PARD3: variants seen among roughly 807,000 people sequenced by gnomAD.
PARD3 encodes partitioning defective 3 homolog.
In PARD3, 75 loss-of-function variants were observed where a neutral mutation model predicts 155.4. The ratio of observed to expected loss-of-function variants is 0.48; its 90% CI spans 0.40 to 0.58. PARD3 has a LOEUF of 0.58. PARD3 is among the 20% of genes least tolerant of loss of function. The pLI, the probability that PARD3 is intolerant of heterozygous loss-of-function variation, is 0.00. For synonymous variants in PARD3, 576 were observed against 610.5 expected, an observed-to-expected ratio of 0.94 and a Z score of 0.83; for missense variants, 1,642 against 1,721.7, an observed-to-expected ratio of 0.95 and a Z score of 0.82.
intron 2 of PARD3, among the ~76,000 whole-genome samples, chr10:34,579,222 A>G (rs749594000): frequency 6.6e-6 from 1 of 151,754 alleles, no homozygotes; most frequent in Non-Finnish European, 1.5e-5. Context: ...GTGAGCCAAG[A>G]TCGCGCCACT....
At chr10:34,791,572 C>A (rs1011858822) in intron 1 of PARD3, among the ~76,000 whole-genome samples, 1 of 152,180 alleles carries the variant, frequency 6.6e-6, no homozygotes, top group Non-Finnish European at 1.5e-5. Context: ...AGAGCCAGGT[C>A]CCCACAGCCT....
chr10:34,516,427 C>T (rs1367354196), intron 3 of PARD3, among the ~76,000 whole-genome samples: 1 of 152,176 alleles, frequency 6.6e-6, no homozygotes, highest in Non-Finnish European at 1.5e-5. Context: ...AGGCAAGTAT[C>T]CCAGATCTGG....
chr10:34,145,189 GTATATA>G (rs575139416), intron 22 of PARD3, among the ~76,000 whole-genome samples: 77 of 49,594 alleles, frequency 1.6e-3, no homozygotes, highest in East Asian at 5.6e-3. Flanking sequence ...GTGTGTGTGT[GTATATA>G]TATATATATA....
At chr10:34,485,489 AC>A in intron 3 of PARD3, among the ~76,000 whole-genome samples, 1 of 152,350 alleles carries the variant, frequency 6.6e-6, no homozygotes, top group South Asian at 2.1e-4. Flanking sequence ...ATCAATCAAT[AC>A]ATGTAAGGTG....
chr10:34,355,542 T>A (rs1838703002), intron 14 of PARD3, among the ~76,000 whole-genome samples: 1 of 152,088 alleles, frequency 6.6e-6, no homozygotes, highest in Non-Finnish European at 1.5e-5. Flanking sequence ...AGTGGACCTG[T>A]GAGCTGGAAA....
chr10:34,471,987 T>C (rs928192494), intron 3 of PARD3, among the ~76,000 whole-genome samples: 2 of 152,224 alleles, frequency 1.3e-5, no homozygotes, highest in South Asian at 2.1e-4. Context: ...AGGCTATTTA[T>C]ATACAGTGAA....
intron 21 of PARD3, among the ~76,000 whole-genome samples, chr10:34,282,737 A>G (rs1380826820): frequency 6.6e-6 from 1 of 152,104 alleles, no homozygotes; most frequent in African/African-American, 2.4e-5. Context: ...TTTACCTGGT[A>G]TAGTCTCCTC....
chr10:34,158,906 T>C lies in PARD3; in HGVS notation c.3420-27323A>G, dbSNP rs116290457. 6.3e-3 allele frequency among the ~76,000 whole-genome samples: 965 copies of C among 152,298 alleles called. 13 individuals are homozygous for C. Among genetic ancestry groups the C allele is most frequent in the African/African-American group, 0.022 (904 of 41,556 alleles). On this transcript the variant is annotated intron_variant, in intron 22 of 24. Transcript: ENST00000374788. The stretch of plus-strand genomic sequence containing the variant: ...TCAAAGATGGGTAAGAGAAGTGAGG[T>C]TGAAAGGCTTTGGGACAAGTCAGAA...
intron 22 of PARD3, among the ~76,000 whole-genome samples, chr10:34,133,190 G>A (rs1482683795): frequency 6.6e-6 from 1 of 152,160 alleles, no homozygotes; most frequent in Non-Finnish European, 1.5e-5. Flanking sequence ...GCCATCTGCA[G>A]ACAGGAGAGC....
intron 2 of PARD3, among the ~76,000 whole-genome samples, chr10:34,625,780 GCATGCCTGT>G (rs2091952189): frequency 6.6e-6 from 1 of 151,968 alleles, no homozygotes; most frequent in Non-Finnish European, 1.5e-5. Flanking sequence ...GCGTGATGGC[GCATGCCTGT>G]AATCCCAGCT....
At chr10:34,138,044 AAAC>A (rs1947994375) in intron 22 of PARD3, among the ~76,000 whole-genome samples, 1 of 152,164 alleles carries the variant, frequency 6.6e-6, no homozygotes, top group South Asian at 2.1e-4. Flanking sequence ...AATGTCCTAG[AAAC>A]ACATAGGCCC....
At chr10:34,609,508 C>T (rs866664220) in intron 2 of PARD3, among the ~76,000 whole-genome samples, 4 of 152,216 alleles carry the variant, frequency 2.6e-5, no homozygotes, top group Middle Eastern at 3.4e-3. Flanking sequence ...GGTTAAGGAG[C>T]GTAAGAAGAG....
At chr10:34,377,910 T>C in intron 10 of PARD3, 57 bp downstream of exon 10, 1 of 1,368,050 alleles carries the variant, frequency 7.3e-7, no homozygotes, top group Non-Finnish European at 9.7e-7. Context: ...AAAAGTTGGC[T>C]CCTGGAAATG....
intron 23 of PARD3, among the ~76,000 whole-genome samples, chr10:34,129,811 C>CCA (rs1181292999): frequency 6.6e-6 from 1 of 150,478 alleles, no homozygotes; most frequent in Non-Finnish European, 1.5e-5. Context: ...GCATGTGCCA[C>CCA]CACATCCGGG....
At chr10:34,578,280 A>G (rs1483798928) in intron 2 of PARD3, among the ~76,000 whole-genome samples, 1 of 152,128 alleles carries the variant, frequency 6.6e-6, no homozygotes, top group Non-Finnish European at 1.5e-5. Flanking sequence ...GCCATCCTTA[A>G]GCCCATTTAT....
Position 34,459,624 on chromosome 10 carries a change from T to C in PARD3, c.583-9176A>G, listed in dbSNP as rs1011049763. 1.8e-4 allele frequency among the ~76,000 whole-genome samples: 28 copies of C among 152,270 alleles called. 1 individual carries two copies. Among genetic ancestry groups the C allele is most frequent in the East Asian group, 9.6e-4 (5 of 5,192 alleles). ...AAAGGGAGAGATAGTAAAATACTTA[T>C]AGTGGTTGCCTAATTCCAAAATACC... On this transcript the variant is annotated intron_variant, in intron 4 of 24. Coordinates refer to ENST00000374788, the MANE Select transcript of PARD3 (RefSeq NM_001184785.2).
At chr10:34,384,033 G>T in intron 8 of PARD3, 96 bp downstream of exon 8, 1 of 1,251,066 alleles carries the variant, frequency 8.0e-7, no homozygotes, top group South Asian at 1.4e-5. Context: ...CCAGTATACA[G>T]ACTGAGATCA....
intron 1 of PARD3, among the ~76,000 whole-genome samples, chr10:34,804,299 A>T (rs1329106194): frequency 6.6e-6 from 1 of 152,172 alleles, no homozygotes; most frequent in East Asian, 1.9e-4. Flanking sequence ...GGCCTCCCAA[A>T]GTGCTGGGAT....
At chr10:34,444,730 A>G (rs2076646783) in intron 5 of PARD3, among the ~76,000 whole-genome samples, 1 of 152,234 alleles carries the variant, frequency 6.6e-6, no homozygotes, top group Non-Finnish European at 1.5e-5. Flanking sequence ...TTCTTATAGA[A>G]AGAAGATTCA....
Sources: gnomAD v4.1 joint callset for allele counts (sites outside exome capture counted in the v4.1 genomes callset) on GRCh38, gnomAD v4.1.1 for gene constraint, MANE v1.5 for transcripts, NCBI Gene and HGNC (gene_info 2026-07-23, HGNC 2026-07-21) for gene names.